The following ACOT13 variants were observed in gnomAD, a reference collection of about 807,000 sequenced individuals.
ACOT13 encodes the protein acyl-coenzyme A thioesterase 13.
Under a neutral mutation model 11.8 loss-of-function variants are expected in ACOT13, and 10 were observed. The observed-to-expected ratio is 0.85, with a 90% CI of 0.53 to 1.44. The LOEUF (loss-of-function observed/expected upper bound fraction) is 1.44. Ranked by LOEUF, ACOT13 falls within the 40% of genes most tolerant of loss-of-function variation. The pLI is 0.00. For synonymous variants in ACOT13, 53 were observed against 61.0 expected (o/e 0.87, Z 0.61); for missense variants, 172 against 174.1 (o/e 0.99, Z 0.07).
intron 1 of ACOT13, among the ~76,000 whole-genome samples, chr6:24,681,000 G>A (rs1005160570): frequency 6.6e-6 from 1 of 152,046 alleles, no homozygotes; most frequent in African/African-American, 2.4e-5. Flanking sequence ...ACCATCTATC[G>A]TCCTGTCCTG....
chr6:24,692,755 A>G (rs1039557336), intron 1 of ACOT13, among the ~76,000 whole-genome samples: 1 of 152,098 alleles, frequency 6.6e-6, no homozygotes, highest in Non-Finnish European at 1.5e-5. Flanking sequence ...TTTTTACAAA[A>G]CCCTATAAGG....
intron 1 of ACOT13, among the ~76,000 whole-genome samples, chr6:24,668,645 G>T (rs1778305348): frequency 6.6e-6 from 1 of 152,196 alleles, no homozygotes. Flanking sequence ...TCATGTAAAT[G>T]AAGTGGTGAC....
intron 1 of ACOT13, among the ~76,000 whole-genome samples, chr6:24,684,889 G>A (rs1778605345): frequency 6.6e-6 from 1 of 152,142 alleles, no homozygotes; most frequent in Non-Finnish European, 1.5e-5. Flanking sequence ...GTGCGTAGAT[G>A]TGGTCTCCTC....
At chr6:24,669,630 G>A (rs559247539) in intron 1 of ACOT13, among the ~76,000 whole-genome samples, 7 of 152,084 alleles carry the variant, frequency 4.6e-5, no homozygotes, top group East Asian at 1.9e-4. Flanking sequence ...TCATCTGATC[G>A]CTCATGCTAG....
At chr6:24,699,403 G>A (rs756710805) in intron 2 of ACOT13, among the ~76,000 whole-genome samples, 1 of 152,018 alleles carries the variant, frequency 6.6e-6, no homozygotes, top group African/African-American at 2.4e-5. Context: ...GTAGAGATGG[G>A]GTTTCACCGT....
Position 24,699,445 on chromosome 6 carries a change from T to C in ACOT13, c.266+1378T>C, listed in dbSNP as rs544003804. On this transcript the variant is annotated intron_variant, in intron 2 of 2. Coordinates refer to ENST00000230048, the MANE Select transcript of ACOT13 (RefSeq NM_018473.4). The stretch of plus-strand genomic sequence containing the variant: ...CAGGCTGGTCTCGATCTCCTCACCT[T>C]GTGATCTGCCCGCCTTGGCCTCCCA... Among the ~76,000 whole-genome samples the C allele has an allele frequency of 3.9e-5, 6 of 152,254 alleles. No individual in the cohort carries two copies. In the East Asian group the frequency reaches 7.7e-4, roughly 20 times the overall value.
intron 1 of ACOT13, among the ~76,000 whole-genome samples, chr6:24,676,035 G>C (rs1445560777): frequency 1.3e-5 from 2 of 151,996 alleles, no homozygotes; most frequent in Admixed American, 1.3e-4. Flanking sequence ...GATGGTTGTA[G>C]ATGTGTGGTA....
chr6:24,697,770 TTC>T, intron 1 of ACOT13, 111 bp from the exon 2 acceptor site: 1 of 814,778 alleles, frequency 1.2e-6, no homozygotes, highest in Non-Finnish European at 1.8e-6. Context: ...TTACTTGAAT[TTC>T]TGAGTCAACT....
chr6:24,691,716 ACTTTCCATTGCTGTG>A lies in ACOT13; in HGVS notation c.82-6156_82-6142del, dbSNP rs1246265023. Among the ~76,000 whole-genome samples, 6 of 152,312 alleles carry A rather than the reference ACTTTCCATTGCTGTG, an allele frequency of 3.9e-5. 1 individual carries two copies. The South Asian group carries it at 1.2e-3, about 32-fold the overall frequency. On this transcript the variant is annotated intron_variant, in intron 1 of 2. Transcript: ENST00000230048. ...GAACAGAAGGTGTAAAGGCCCTCAG[ACTTTCCATTGCTGTG>A]CTTTCCATTGTTTGAGGGCCCCATT...
chr6:24,676,201 C>T (rs1778452640), intron 1 of ACOT13, among the ~76,000 whole-genome samples: 1 of 152,008 alleles, frequency 6.6e-6, no homozygotes, highest in Admixed American at 6.6e-5. Context: ...ATTGTCTTGG[C>T]AATGCAGGCT....
intron 1 of ACOT13, among the ~76,000 whole-genome samples, chr6:24,683,768 G>T: frequency 6.7e-6 from 1 of 148,416 alleles, no homozygotes; most frequent in Non-Finnish European, 1.5e-5. Flanking sequence ...TTTCTAATTA[G>T]CCTTTCTAAA....
chr6:24,667,489 ATTAC>A (rs1778279292), intron 1 of ACOT13, 145 bp downstream of exon 1: 1 of 728,844 alleles, frequency 1.4e-6, no homozygotes, highest in African/African-American at 1.8e-5. Flanking sequence ...AATAATGATT[ATTAC>A]TTTAATGGAG....
At chr6:24,700,425 CTTTTTT>C (rs34173572) in intron 2 of ACOT13, among the ~76,000 whole-genome samples, 64 of 105,144 alleles carry the variant, frequency 6.1e-4, no homozygotes, top group African/African-American at 2.2e-3. Context: ...TAAGATCCAC[CTTTTTT>C]TTTTTTTTTT....
In ACOT13 at chr6:24,701,630, G is replaced by T. The variant is rs1228814348; in HGVS notation, c.*15G>T. The T allele has an allele frequency of 6.3e-7, 1 of 1,589,586 alleles. No individual in the cohort carries two copies. Among genetic ancestry groups the T allele is most frequent in the South Asian group, 1.1e-5 (1 of 87,486 alleles). ...TGGGAAACTGAGAGAACAGCAGAAT[G>T]ACCTAAAGAAACCCAACAATGAATA... On this transcript the variant is annotated 3_prime_UTR_variant, in exon 3 of 3. Coordinates refer to ENST00000230048, the MANE Select transcript of ACOT13 (RefSeq NM_018473.4).
intron 1 of ACOT13, among the ~76,000 whole-genome samples, chr6:24,685,678 A>G (rs916357822): frequency 3.3e-5 from 5 of 152,226 alleles, no homozygotes; most frequent in Admixed American, 3.3e-4. Context: ...AATATTAACT[A>G]CACAAGCTGT....
intron 1 of ACOT13, among the ~76,000 whole-genome samples, chr6:24,680,678 T>C (rs1392049930): frequency 6.6e-6 from 1 of 152,168 alleles, no homozygotes; most frequent in African/African-American, 2.4e-5. Context: ...GACATTGCTT[T>C]TGCGCTCAGG....
chr6:24,699,764 T>A (rs1298748131), intron 2 of ACOT13, among the ~76,000 whole-genome samples: 1 of 152,230 alleles, frequency 6.6e-6, no homozygotes, highest in Non-Finnish European at 1.5e-5. Flanking sequence ...AAAGTCTCTA[T>A]TAAGAGCAGA....
intron 1 of ACOT13, among the ~76,000 whole-genome samples, chr6:24,682,223 G>A (rs1413910772): frequency 2.0e-5 from 3 of 152,216 alleles, no homozygotes; most frequent in African/African-American, 7.2e-5. Context: ...AGGAAGGATA[G>A]GACAGAATAA....
In ACOT13 at chr6:24,698,018, C is replaced by T. The variant is rs1272552865; in HGVS notation, c.217C>T (p.Leu73=). The change falls in exon 2 of 3, where the codon CTA becomes TTA. Residue 73 remains leucine, a synonymous_variant. Coordinates refer to ENST00000230048, the MANE Select transcript of ACOT13 (RefSeq NM_018473.4). ...LVDNISTMAL[L]CTERGAPGVS... ...AGATAACATATCAACAATGGCTCTG[C>T]TATGCACGGAAAGGGGAGCACCCGG... The T allele has an allele frequency of 6.2e-7, 1 of 1,613,128 alleles. No homozygotes were observed.
Sources: allele counts gnomAD v4.1 joint callset (sites outside exome capture counted in the v4.1 genomes callset), GRCh38; gene constraint gnomAD v4.1.1; transcripts MANE v1.5; gene names NCBI Gene and HGNC (gene_info 2026-07-23, HGNC 2026-07-21).